The following LRP1B variants were observed in gnomAD, a reference collection of about 807,000 sequenced individuals.
LRP1B encodes the protein low-density lipoprotein receptor-related protein 1B.
A neutral mutation model predicts 556.6 loss-of-function variants in LRP1B; 217 were observed. That is an observed-to-expected ratio of 0.39 (90% CI 0.35 to 0.44). LRP1B has a LOEUF of 0.44. LRP1B is among the 20% of genes least tolerant of loss of function. The probability of loss-of-function intolerance (pLI) is 1.00; values close to 1 mark genes in which losing one functional copy is unlikely to be tolerated. For missense variants in LRP1B, 5,053 were observed against 5,620.8 expected (o/e 0.90, Z 3.23); for synonymous variants, 2,047 against 1,865.8 (o/e 1.10, Z -2.50).
intron 2 of LRP1B, among the ~76,000 whole-genome samples, chr2:141,494,280 C>T (rs16846274): frequency 0.062 from 9,379 of 152,246 alleles, 372 homozygotes; most frequent in South Asian, 0.19. Flanking sequence ...CATATATCCT[C>T]TTTGTGCTAG....
intron 7 of LRP1B, among the ~76,000 whole-genome samples, chr2:141,163,481 G>A (rs967794933): frequency 3.3e-5 from 5 of 152,008 alleles, no homozygotes; most frequent in Non-Finnish European, 5.9e-5. Flanking sequence ...CCCGGAAAAA[G>A]TCAGGATTAC....
At chr2:141,927,507 G>A (rs1447980780) in intron 1 of LRP1B, among the ~76,000 whole-genome samples, 1 of 151,990 alleles carries the variant, frequency 6.6e-6, no homozygotes, top group Non-Finnish European at 1.5e-5. Context: ...GACATTCATT[G>A]ATTTTGCTAC....
At chr2:140,628,554 TA>T (rs1683760797) in intron 41 of LRP1B, among the ~76,000 whole-genome samples, 1 of 134,556 alleles carries the variant, frequency 7.4e-6, no homozygotes, top group African/African-American at 2.7e-5. Flanking sequence ...AAAAAAAAAT[TA>T]TGTCTATCCA....
intron 2 of LRP1B, among the ~76,000 whole-genome samples, chr2:141,782,074 G>C (rs1266542916): frequency 6.6e-6 from 1 of 152,018 alleles, no homozygotes; most frequent in Non-Finnish European, 1.5e-5. Context: ...TGTAGTTTTT[G>C]GCTTGTCTTG....
intron 75 of LRP1B, among the ~76,000 whole-genome samples, chr2:140,355,660 G>A (rs936428028): frequency 2.0e-5 from 3 of 151,882 alleles, no homozygotes; most frequent in Non-Finnish European, 4.4e-5. Context: ...AGTTATTTTA[G>A]GTTTGGCTGT....
intron 1 of LRP1B, among the ~76,000 whole-genome samples, chr2:142,095,127 C>T (rs1706313055): frequency 7.8e-6 from 1 of 127,756 alleles, no homozygotes; most frequent in African/African-American, 2.9e-5. Context: ...GCGATATGCA[C>T]ATATAAAAAA....
At chr2:140,774,885 C>A (rs763068738) in intron 33 of LRP1B, among the ~76,000 whole-genome samples, 4 of 151,948 alleles carry the variant, frequency 2.6e-5, no homozygotes, top group Non-Finnish European at 5.9e-5. Flanking sequence ...AAACAGATAA[C>A]CATTTGGGTA....
At chr2:141,927,534 C>A (rs539845339) in intron 1 of LRP1B, among the ~76,000 whole-genome samples, 1 of 151,910 alleles carries the variant, frequency 6.6e-6, no homozygotes, top group Non-Finnish European at 1.5e-5. Context: ...GTGGTAAGTA[C>A]CTGTAGGCAT....
chr2:140,422,315 T>G (rs1399499231), intron 66 of LRP1B, among the ~76,000 whole-genome samples: 1 of 152,212 alleles, frequency 6.6e-6, no homozygotes, highest in Non-Finnish European at 1.5e-5. Flanking sequence ...GTCATAGAAG[T>G]TGGCTATGGG....
intron 41 of LRP1B, among the ~76,000 whole-genome samples, chr2:140,635,904 G>C (rs908370142): frequency 6.6e-6 from 1 of 152,048 alleles, no homozygotes; most frequent in African/African-American, 2.4e-5. Context: ...GCAAATCTTA[G>C]CCAATCCTTT....
intron 1 of LRP1B, among the ~76,000 whole-genome samples, chr2:141,881,038 C>T (rs1032264031): frequency 1.3e-4 from 19 of 151,894 alleles, no homozygotes; most frequent in African/African-American, 4.6e-4. Flanking sequence ...AAATAAAAAC[C>T]GAGCATTCTT....
Position 141,227,303 on chromosome 2 carries a change from T to G in LRP1B, c.850+1880A>C, listed in dbSNP as rs78123232. On this transcript the variant is annotated intron_variant, in intron 6 of 90. Transcript: ENST00000389484. ...TGCGCAACTTAGTGAATATTTTAGCTATTTGACTATTCAGTATTCCATTTG... is the reference window on the plus strand; with the variant it reads ...TGCGCAACTTAGTGAATATTTTAGCGATTTGACTATTCAGTATTCCATTTG... 3.1e-3 allele frequency among the ~76,000 whole-genome samples: 469 copies of G among 152,362 alleles called. 28 individuals are homozygous for G. The East Asian group carries it at 0.085, about 28-fold the overall frequency.
intron 1 of LRP1B, among the ~76,000 whole-genome samples, chr2:141,972,409 C>T (rs1460149298): frequency 6.6e-6 from 1 of 151,424 alleles, no homozygotes; most frequent in Non-Finnish European, 1.5e-5. Context: ...ACATACTCTT[C>T]TTTTTTTAAT....
intron 3 of LRP1B, among the ~76,000 whole-genome samples, chr2:141,322,218 C>T (rs550298610): frequency 2.0e-5 from 3 of 152,136 alleles, no homozygotes; most frequent in East Asian, 1.9e-4. Flanking sequence ...AGAGGACAGA[C>T]GTACTCCTCT....
At chr2:141,173,375 TA>T (rs910457637) in intron 7 of LRP1B, among the ~76,000 whole-genome samples, 30 of 152,050 alleles carry the variant, frequency 2.0e-4, no homozygotes, top group African/African-American at 7.2e-4. Context: ...TTTCCTAACA[TA>T]AACTTGACTA....
At chr2:141,385,828 C>T (rs1458385119) in intron 3 of LRP1B, among the ~76,000 whole-genome samples, 2 of 152,174 alleles carry the variant, frequency 1.3e-5, no homozygotes, top group Non-Finnish European at 2.9e-5. Context: ...TTTGCTGTTG[C>T]TATTGTGTAA....
intron 2 of LRP1B, among the ~76,000 whole-genome samples, chr2:141,627,145 G>C (rs1688729972): frequency 6.6e-6 from 1 of 152,198 alleles, no homozygotes; most frequent in Non-Finnish European, 1.5e-5. Flanking sequence ...GTCATTGAAA[G>C]ACATGGAAGA....
At chr2:140,330,744 CT>C (rs1231561818) in intron 79 of LRP1B, among the ~76,000 whole-genome samples, 1 of 152,044 alleles carries the variant, frequency 6.6e-6, no homozygotes, top group Non-Finnish European at 1.5e-5. Flanking sequence ...AACTAAAGTG[CT>C]TCTGCACAGC....
chr2:140,334,497 G>A lies in LRP1B; in HGVS notation c.12179C>T (p.Thr4060Ile), dbSNP rs2105083282. ...CTTTTGTACTAAAATCCTTCTCAGTGTACCATCCATGGCTGCTTCTTCTAT... is the reference window on the plus strand; with the variant it reads ...CTTTTGTACTAAAATCCTTCTCAGTATACCATCCATGGCTGCTTCTTCTAT... ...SHIEEAAMDG[T>I]LRRILVQKNL... Residue 4060 changes from threonine (T) to isoleucine (I), a missense_variant, in exon 79 of 91, where the codon ACA becomes ATA. By Grantham distance (89) the Thr-to-Ile change is moderately conservative (BLOSUM62 -1). Transcript: ENST00000389484. The A allele has an allele frequency of 6.2e-7, 1 of 1,610,386 alleles. No individual in the cohort carries two copies. The highest frequency in any genetic ancestry group is 8.5e-7 in the Non-Finnish European group (1 of 1,178,016).
Sources: allele counts gnomAD v4.1 joint callset (sites outside exome capture counted in the v4.1 genomes callset), GRCh38; gene constraint gnomAD v4.1.1; transcripts MANE v1.5; gene names NCBI Gene and HGNC (gene_info 2026-07-23, HGNC 2026-07-21).